Variants in SEPTIN3 observed in about 807,000 individuals in gnomAD.
SEPTIN3 encodes neuronal-specific septin-3.
SEPTIN3 carries 15 observed loss-of-function variants against 45.1 expected under a neutral mutation model. That is an observed-to-expected ratio of 0.33 (90% CI 0.22 to 0.51). The LOEUF is 0.51. Among genes scored for constraint, SEPTIN3 ranks in the 20% least tolerant of loss-of-function variants. The pLI is 0.97. For synonymous variants in SEPTIN3, 148 were observed against 164.8 expected, an observed-to-expected ratio of 0.90 and a Z score of 0.78; for missense variants, 289 against 457.2, an observed-to-expected ratio of 0.63 and a Z score of 3.35.
At position 41,988,130 on chromosome 22, in the gene SEPTIN3, CAAG is replaced by C. The variant is rs541709959; in HGVS notation, c.2045+375_2045+377del. On this transcript the variant is annotated intron_variant, in intron 6 of 11. Transcript: ENST00000644076. ...AAATAATTGGAGTCGGAGGGAGCAG[CAAG>C]AAGGGTGAAATAGGGCAGTGCAGGG... 2.5e-3 allele frequency among the ~76,000 whole-genome samples: 387 copies of C among 151,938 alleles called. 1 individual carries two copies. The highest frequency in any genetic ancestry group is 8.6e-3 in the African/African-American group (356 of 41,336).
In SEPTIN3 at chr22:41,994,183, T is replaced by A; in HGVS notation, c.2360-107T>A. 1 of 996,258 alleles carries A rather than the reference T, an allele frequency of 1.0e-6. No homozygotes were observed. The highest frequency in any genetic ancestry group is 2.4e-5 in the East Asian group (1 of 41,614). The allele number at this position is 996,258 out of a possible 1,614,324, so 61.7% of individuals were successfully genotyped here. ...GGGTTACAAAAAATGACCTGTCCCA[T>A]AGCTTTCTCCTAAATGCCTCCGTGA... On this transcript the variant is annotated intron_variant, in intron 9 of 11. Transcript: ENST00000644076. This position sits in a 1 kb window ranked among gnomAD's most constrained non-coding sequence, Gnocchi z 4.2.
Position 41,997,129 on chromosome 22 carries a change from C to T in SEPTIN3, c.*162C>T. The stretch of plus-strand genomic sequence containing the variant: ...TGCCTCTTTAGGCCAGTTGCATCCT[C>T]CATTTATCCAAACCACTCCTCTCCT... On this transcript the variant is annotated 3_prime_UTR_variant, in exon 12 of 12. Transcript: ENST00000644076. The T allele has an allele frequency of 1.5e-6, 2 of 1,345,168 alleles. No homozygotes were observed. The highest frequency in any genetic ancestry group is 2.0e-6 in the Non-Finnish European group (2 of 999,076). 83.3% of individuals were successfully genotyped at this position (1,345,168 alleles called of 1,614,324 possible).
chr22:41,995,676 A>G, intron 11 of SEPTIN3: 1 of 985,446 alleles, frequency 1.0e-6, no homozygotes, highest in Non-Finnish European at 1.2e-6. Flanking sequence ...TCACAAAACT[A>G]CAGGACAGTA....
In SEPTIN3 at chr22:41,981,747, T is replaced by G. The variant is rs2078124892; in HGVS notation, c.1607T>G (p.Leu536Arg). 6.2e-7 allele frequency: 1 copy of G among 1,613,974 alleles called. No homozygotes were observed. Reference protein sequence around the residue: ...PMKPMSINSNLLGYIGIDTII... With the variant: ...PMKPMSINSNRLGYIGIDTII... Reference sequence around the variant, plus strand: ...AAGCCCATGAGCATCAACTCCAACCTGCTGGGCTACATCGGCATCGACACC... The same window carrying G: ...AAGCCCATGAGCATCAACTCCAACCGGCTGGGCTACATCGGCATCGACACC... The change falls in exon 3 of 12, where the codon CTG becomes CGG. Residue 536 changes from leucine (L) to arginine (R), a missense_variant. By Grantham distance (102) the Leu-to-Arg change is moderately radical. Around this residue, in one of 3 missense-constraint regions of SEPTIN3, gnomAD observed 200 missense variants for 315.1 expected, o/e 0.63. Coordinates refer to ENST00000644076, the MANE Select transcript of SEPTIN3 (RefSeq NM_001363845.2).
chr22:41,991,818 G>A lies in SEPTIN3; in HGVS notation c.2259+150G>A, dbSNP rs887983191. 1.2e-5 allele frequency: 8 copies of A among 670,584 alleles called. No individual in the cohort carries two copies. The African/African-American group carries it at 1.4e-4, about 12-fold the overall frequency. 41.5% of individuals were successfully genotyped at this position (670,584 alleles called of 1,614,324 possible). Reference sequence around the variant, plus strand: ...AGAAGTGACATAGGGGGATGGGGAGGACTATGGCCCTGGACTGTGAACCCA... The same window carrying A: ...AGAAGTGACATAGGGGGATGGGGAGAACTATGGCCCTGGACTGTGAACCCA... On this transcript the variant is annotated intron_variant, in intron 8 of 11. Coordinates refer to ENST00000644076, the MANE Select transcript of SEPTIN3 (RefSeq NM_001363845.2).
chr22:41,985,703 A>G (rs1377797425), intron 3 of SEPTIN3: 4 of 253,580 alleles, frequency 1.6e-5, no homozygotes, highest in Admixed American at 1.5e-4. Context: ...AAACCACGAC[A>G]CTAGACATAT....
intron 11 of SEPTIN3, chr22:41,995,513 C>T (rs1464903780): frequency 1.0e-6 from 1 of 985,600 alleles, no homozygotes; most frequent in Non-Finnish European, 1.2e-6. Flanking sequence ...CCCTTTCCCT[C>T]CTTCCCTCAT....
intron 1 of SEPTIN3, among the ~76,000 whole-genome samples, chr22:41,971,162 A>C (rs1313189344): frequency 6.6e-6 from 1 of 152,134 alleles, no homozygotes; most frequent in Non-Finnish European, 1.5e-5. Context: ...AGGCCCAGGC[A>C]AAGGGAGACG....
chr22:41,987,336 ATACT>A, intron 5 of SEPTIN3, 49 bp downstream of exon 5: 1 of 1,489,852 alleles, frequency 6.7e-7, no homozygotes, highest in Non-Finnish European at 9.3e-7. Flanking sequence ...TGCTGGGAAG[ATACT>A]TACTATGGTG....
At chr22:41,995,982 G>A (rs1349911377) in intron 11 of SEPTIN3, 11 of 985,064 alleles carry the variant, frequency 1.1e-5, no homozygotes, top group Middle Eastern at 5.2e-4. Context: ...CCACACCTCC[G>A]TTTTCTCCGT....
intron 11 of SEPTIN3, chr22:41,995,689 A>G (rs1276533383): frequency 2.0e-6 from 2 of 985,342 alleles, no homozygotes; most frequent in African/African-American, 3.5e-5. Flanking sequence ...GGACAGTACA[A>G]ACAGATTGCC....
chr22:41,988,852 A>G (rs2078252640), intron 6 of SEPTIN3, among the ~76,000 whole-genome samples: 1 of 152,194 alleles, frequency 6.6e-6, no homozygotes, highest in Non-Finnish European at 1.5e-5. Flanking sequence ...CACACTAGGC[A>G]CGGTGGCTCT....
chr22:41,991,314 G>A (rs868506754), intron 7 of SEPTIN3, among the ~76,000 whole-genome samples: 81 of 152,180 alleles, frequency 5.3e-4, no homozygotes, highest in African/African-American at 1.8e-3. Context: ...AGATGAGCAA[G>A]CTGGTTGCGA....
chr22:41,993,666 T>C (rs932485808), intron 9 of SEPTIN3, among the ~76,000 whole-genome samples: 1 of 151,880 alleles, frequency 6.6e-6, no homozygotes, highest in Non-Finnish European at 1.5e-5. Context: ...ATTTTATTTT[T>C]ATTTTTAATA....
chr22:41,991,755 C>A, intron 8 of SEPTIN3, 87 bp downstream of exon 8: 1 of 935,002 alleles, frequency 1.1e-6, no homozygotes, highest in Non-Finnish European at 1.8e-6. Flanking sequence ...CTGTCTTTTC[C>A]CTTTCTGTAC....
intron 11 of SEPTIN3, chr22:41,995,340 A>G: frequency 1.0e-6 from 1 of 989,128 alleles, no homozygotes; most frequent in Admixed American, 5.8e-5. Flanking sequence ...GGGTTCTTGC[A>G]GAAAGCATCA....
In SEPTIN3 at chr22:41,994,962, G is replaced by C. The variant is rs1303454046; in HGVS notation, c.2505+248G>C. 1 of 1,398,918 alleles carries C rather than the reference G, an allele frequency of 7.1e-7. No individual in the cohort carries two copies. Among genetic ancestry groups the C allele is most frequent in the East Asian group, 2.9e-5 (1 of 33,988 alleles). 86.7% of individuals were successfully genotyped at this position (1,398,918 alleles called of 1,614,324 possible). A position where few individuals can be genotyped will look rare whatever the true frequency, so the allele number is the denominator to read the frequency against. On this transcript the variant is annotated intron_variant, in intron 11 of 11. Coordinates refer to ENST00000644076, the MANE Select transcript of SEPTIN3 (RefSeq NM_001363845.2). The surrounding 1 kb of genome is among the most constrained non-coding windows in gnomAD (Gnocchi z 4.2). ...GAGAGAGCCTGTGTGTGTGCATGCA[G>C]GGGTGAGGTATTTTCACTGCCCTCC...
At position 41,991,677 on chromosome 22, in the gene SEPTIN3, C is replaced by T. The variant is rs143993152; in HGVS notation, c.2259+9C>T. 95 of 1,572,114 alleles carry T rather than the reference C, an allele frequency of 6.0e-5. 1 individual carries two copies. The African/African-American group carries it at 1.2e-3, about 20-fold the overall frequency. ...AGAATGACAAAATCAGGGTGGGTGC[C>T]TGGGGCACTGCTCCTCCACTGATGC... On this transcript the variant is annotated intron_variant, in intron 8 of 11. Transcript: ENST00000644076.
chr22:41,990,454 T>A (rs985783374), intron 7 of SEPTIN3, among the ~76,000 whole-genome samples: 3 of 151,468 alleles, frequency 2.0e-5, no homozygotes, highest in Admixed American at 6.6e-5. Context: ...CTTTAAGAAA[T>A]TTACAATCCA....
Sources: gnomAD v4.1 joint callset for allele counts (sites outside exome capture counted in the v4.1 genomes callset) on GRCh38, gnomAD v4.1.1 for gene constraint, gnomAD v4.1.1 regional missense constraint, Gnocchi (gnomAD v3.1) non-coding constraint, MANE v1.5 for transcripts, NCBI Gene and HGNC (gene_info 2026-07-23, HGNC 2026-07-21) for gene names.